The following CDC42BPA variants were observed in gnomAD, a reference collection of about 807,000 sequenced individuals.
CDC42BPA encodes the protein serine/threonine-protein kinase MRCK alpha.
CDC42BPA carries 80 observed loss-of-function variants against 223.5 expected under a neutral mutation model. The ratio of observed to expected loss-of-function variants is 0.36; its 90% CI spans 0.30 to 0.43. The LOEUF is 0.43. Ranked by LOEUF, CDC42BPA falls within the 20% of genes least tolerant of loss-of-function variation. CDC42BPA has a pLI of 1.00. For synonymous variants in CDC42BPA, 694 were observed against 718.6 expected, an observed-to-expected ratio of 0.97 and a Z score of 0.55; for missense variants, 1,743 against 2,099.9, an observed-to-expected ratio of 0.83 and a Z score of 3.32.
chr1:227,031,556 C>T (rs1260125009), intron 27 of CDC42BPA, 42 bp from the exon 28 acceptor site: 1 of 1,486,592 alleles, frequency 6.7e-7, no homozygotes, highest in Non-Finnish European at 9.4e-7. Flanking sequence ...AGAAAACAGA[C>T]ACCCTTTATG....
chr1:227,206,790 A>C (rs1390899778), intron 3 of CDC42BPA, among the ~76,000 whole-genome samples: 5 of 152,184 alleles, frequency 3.3e-5, no homozygotes, highest in African/African-American at 4.8e-5. Flanking sequence ...CAAATATGGA[A>C]TCAGTCTTGC....
chr1:227,299,153 G>A (rs1691216092), intron 1 of CDC42BPA, among the ~76,000 whole-genome samples: 1 of 152,092 alleles, frequency 6.6e-6, no homozygotes, highest in African/African-American at 2.4e-5. Context: ...AGAGAATTTT[G>A]GAAAGAAAAT....
Position 227,213,140 on chromosome 1 carries a change from G to T in CDC42BPA, c.350C>A (p.Ala117Asp). 1.3e-6 allele frequency: 2 copies of T among 1,507,220 alleles called. No individual in the cohort carries two copies. The highest frequency in any genetic ancestry group is 1.8e-6 in the Non-Finnish European group (2 of 1,094,506). The allele number at this position is 1,507,220 out of a possible 1,614,324, so 93.4% of individuals were successfully genotyped here. A position where few individuals can be genotyped will look rare whatever the true frequency, so the allele number is the denominator to read the frequency against. Residue 117 changes from alanine (A) to aspartate (D), a missense_variant, in exon 3 of 37, where the codon GCT (alanine) becomes GAT (aspartate). By Grantham distance (126) the Ala-to-Asp change is moderately radical. This residue lies in a region of CDC42BPA where 321 missense variants were observed against 488.7 expected (regional missense o/e 0.66). Transcript: ENST00000366766. The stretch of plus-strand genomic sequence containing the variant: ...TCCAATACATAAGACTCTTACCTCA[G>T]CTCTTTTCAGCATTTCCCATTTATT... ...ILNKWEMLKR[A>D]ETACFREERD...
rs184799767 is a variant in CDC42BPA, at chr1:227,056,223, G to T, written c.2905-4238C>A. ...CCTAAATAATTACAGATTTGCACAAGTAACAACCCCTCTCATAAGAAACCT... is the reference window on the plus strand; with the variant it reads ...CCTAAATAATTACAGATTTGCACAATTAACAACCCCTCTCATAAGAAACCT... On this transcript the variant is annotated intron_variant, in intron 21 of 36. Coordinates refer to ENST00000366766, the MANE Select transcript of CDC42BPA (RefSeq NM_001394014.1). Among the ~76,000 whole-genome samples the T allele has an allele frequency of 2.6e-5, 4 of 152,148 alleles. No homozygotes were observed. In the East Asian group the frequency reaches 7.7e-4, roughly 29 times the overall value.
At chr1:227,185,360 A>T (rs1668587358) in intron 5 of CDC42BPA, among the ~76,000 whole-genome samples, 1 of 152,166 alleles carries the variant, frequency 6.6e-6, no homozygotes, top group African/African-American at 2.4e-5. Flanking sequence ...GGGTCCACCT[A>T]ACATGGCGAT....
At chr1:227,201,568 T>C (rs1310764971) in intron 3 of CDC42BPA, among the ~76,000 whole-genome samples, 2 of 152,218 alleles carry the variant, frequency 1.3e-5, no homozygotes, top group South Asian at 2.1e-4. Flanking sequence ...CATGTTCCCA[T>C]AGTTTCATTG....
intron 3 of CDC42BPA, among the ~76,000 whole-genome samples, chr1:227,211,548 A>G (rs746439520): frequency 2.0e-5 from 3 of 152,180 alleles, no homozygotes; most frequent in East Asian, 1.9e-4. Flanking sequence ...GTGTATACAT[A>G]TATGTATGTA....
At chr1:227,072,724 G>A (rs887730158) in intron 19 of CDC42BPA, among the ~76,000 whole-genome samples, 3 of 152,026 alleles carry the variant, frequency 2.0e-5, no homozygotes, top group African/African-American at 7.2e-5. Context: ...AGGCAACCAT[G>A]AAAGTGGAGC....
chr1:227,079,422 A>T (rs988072991), intron 17 of CDC42BPA, among the ~76,000 whole-genome samples: 1 of 152,066 alleles, frequency 6.6e-6, no homozygotes, highest in Non-Finnish European at 1.5e-5. Context: ...CACTTGAAAA[A>T]ATCAGTAGTC....
intron 5 of CDC42BPA, among the ~76,000 whole-genome samples, chr1:227,188,461 C>T (rs1669196209): frequency 6.6e-6 from 1 of 151,374 alleles, no homozygotes; most frequent in East Asian, 1.9e-4. Context: ...TCACAATTCC[C>T]AAAACTTAGA....
chr1:227,095,858 C>A (rs1683894382), intron 15 of CDC42BPA, among the ~76,000 whole-genome samples: 1 of 152,140 alleles, frequency 6.6e-6, no homozygotes, highest in South Asian at 2.1e-4. Flanking sequence ...TCCCAAAGTG[C>A]TCAGATTACA....
chr1:227,128,157 T>A (rs898584725), intron 11 of CDC42BPA, among the ~76,000 whole-genome samples: 1 of 152,152 alleles, frequency 6.6e-6, no homozygotes, highest in Non-Finnish European at 1.5e-5. Context: ...CATCCAGTAC[T>A]CTCTGTTTTA....
intron 5 of CDC42BPA, among the ~76,000 whole-genome samples, chr1:227,167,015 G>T (rs193175085): frequency 6.6e-6 from 1 of 152,188 alleles, no homozygotes; most frequent in Admixed American, 6.5e-5. Flanking sequence ...GAAGAAGTAG[G>T]ATCAAAGAAA....
In CDC42BPA at chr1:227,176,476, G is replaced by A. The variant is rs540420438; in HGVS notation, c.600-15840C>T. Among the ~76,000 whole-genome samples, 5 of 152,162 alleles carry A rather than the reference G, an allele frequency of 3.3e-5. No individual in the cohort carries two copies. In the East Asian group the frequency reaches 9.7e-4, roughly 29 times the overall value. On this transcript the variant is annotated intron_variant, in intron 5 of 36. Transcript: ENST00000366766. ...ACCACTAATTTGATTACTGCAAACA[G>A]TTTGAAAAAAATTTTATATAAATTC...
intron 3 of CDC42BPA, among the ~76,000 whole-genome samples, chr1:227,205,885 A>C (rs1672632036): frequency 6.6e-6 from 1 of 151,962 alleles, no homozygotes; most frequent in Non-Finnish European, 1.5e-5. Flanking sequence ...CCCATCTCTA[A>C]AGAAAATACA....
chr1:227,313,847 T>G (rs1247338289), intron 1 of CDC42BPA, among the ~76,000 whole-genome samples: 1 of 146,992 alleles, frequency 6.8e-6, no homozygotes, highest in Non-Finnish European at 1.5e-5. Flanking sequence ...ACAAATTTAT[T>G]AAACAGACTA....
intron 5 of CDC42BPA, among the ~76,000 whole-genome samples, chr1:227,168,217 C>T (rs6426577): frequency 3.3e-5 from 5 of 151,938 alleles, no homozygotes; most frequent in Non-Finnish European, 7.4e-5. Context: ...GAGCCATCAC[C>T]CCTGGCTTCT....
intron 1 of CDC42BPA, among the ~76,000 whole-genome samples, chr1:227,305,149 G>A (rs1302954309): frequency 6.6e-6 from 1 of 152,088 alleles, no homozygotes; most frequent in Admixed American, 6.6e-5. Context: ...GGATGACAGA[G>A]CATTAGGTAG....
At chr1:227,089,030 A>G (rs1682541921) in intron 16 of CDC42BPA, among the ~76,000 whole-genome samples, 1 of 152,158 alleles carries the variant, frequency 6.6e-6, no homozygotes, top group African/African-American at 2.4e-5. Context: ...CCAGCTGGCA[A>G]TGAATTATCT....
Sources: gnomAD v4.1 joint callset for allele counts (sites outside exome capture counted in the v4.1 genomes callset) on GRCh38, gnomAD v4.1.1 for gene constraint, gnomAD v4.1.1 regional missense constraint, MANE v1.5 for transcripts, NCBI Gene and HGNC (gene_info 2026-07-23, HGNC 2026-07-21) for gene names.